Variants in RBM33 observed in about 807,000 individuals in gnomAD.
The protein encoded by RBM33 is RNA binding motif protein 33.
In RBM33, 28 loss-of-function variants were observed where a neutral mutation model predicts 132.6. The observed-to-expected ratio is 0.21, with a 90% CI of 0.16 to 0.29. The LOEUF (loss-of-function observed/expected upper bound fraction) is 0.29, where lower values mean the gene tolerates loss of function less well. Ranked by LOEUF, RBM33 falls within the 10% of genes least tolerant of loss-of-function variation. The pLI is 1.00. For synonymous variants in RBM33, 634 were observed against 593.0 expected (o/e 1.07, Z -1.01); for missense variants, 1,291 against 1,518.5 (o/e 0.85, Z 2.49).
At chr7:155,756,206 A>G (rs1028674911) in intron 14 of RBM33, among the ~76,000 whole-genome samples, 2 of 152,230 alleles carry the variant, frequency 1.3e-5, no homozygotes, top group African/African-American at 4.8e-5. Context: ...CTAAAATTCA[A>G]TTTGAATCAA....
chr7:155,661,061 AT>A (rs1798625104), intron 1 of RBM33, among the ~76,000 whole-genome samples: 2 of 142,394 alleles, frequency 1.4e-5, no homozygotes, highest in South Asian at 4.4e-4. Flanking sequence ...CAGAATTTCT[AT>A]TTGGTTTTTA....
intron 9 of RBM33, among the ~76,000 whole-genome samples, chr7:155,725,199 AGTT>A (rs1418097529): frequency 0.018 from 1,625 of 91,816 alleles, 34 homozygotes; most frequent in African/African-American, 0.072. Flanking sequence ...TTCCTTTTTT[AGTT>A]GTTTTTTTTT....
chr7:155,678,706 T>C, intron 4 of RBM33, 22 bp downstream of exon 4: 4 of 1,211,660 alleles, frequency 3.3e-6, no homozygotes, highest in Non-Finnish European at 3.5e-6. Context: ...TACCTCATTA[T>C]AAATGTTCTT....
At chr7:155,709,543 C>T (rs1435768442) in intron 7 of RBM33, among the ~76,000 whole-genome samples, 2 of 152,204 alleles carry the variant, frequency 1.3e-5, no homozygotes, top group Non-Finnish European at 2.9e-5. Flanking sequence ...CTGTACCTCT[C>T]CAGACACATG....
Position 155,775,155 on chromosome 7 carries a change from T to G in RBM33, c.*114T>G, listed in dbSNP as rs760914613. The stretch of plus-strand genomic sequence containing the variant: ...CACAGGTCTCTCCGGGCCGCTGTCC[T>G]GCGTAACTGTTCTCCAGAGCGCCAG... On this transcript the variant is annotated 3_prime_UTR_variant, in exon 18 of 18. Transcript: ENST00000401878. 1.1e-6 allele frequency: 1 copy of G among 926,792 alleles called. No individual in the cohort carries two copies. The highest frequency in any genetic ancestry group is 1.8e-6 in the Non-Finnish European group (1 of 564,740). 57.4% of individuals were successfully genotyped at this position (926,792 alleles called of 1,614,324 possible).
intron 5 of RBM33, among the ~76,000 whole-genome samples, chr7:155,684,243 A>G (rs1010506179): frequency 6.6e-6 from 1 of 152,094 alleles, no homozygotes; most frequent in African/African-American, 2.4e-5. Context: ...TTTACTGTTC[A>G]TTTTTTAGCA....
At chr7:155,771,219 C>T (rs1247715502) in intron 16 of RBM33, among the ~76,000 whole-genome samples, 3 of 152,078 alleles carry the variant, frequency 2.0e-5, no homozygotes, top group South Asian at 2.1e-4. Context: ...GGTGTGTAGA[C>T]GTGTATATTT....
chr7:155,651,734 A>C (rs750097912), intron 1 of RBM33, among the ~76,000 whole-genome samples: 2 of 152,286 alleles, frequency 1.3e-5, no homozygotes, highest in African/African-American at 4.8e-5. Context: ...GCAAGCCTTT[A>C]TAACTTCCAT....
chr7:155,673,943 T>TTGTTTGTTTG (rs1563138289), intron 3 of RBM33, among the ~76,000 whole-genome samples: 1 of 17,316 alleles, frequency 5.8e-5, no homozygotes, highest in South Asian at 2.8e-3. Flanking sequence ...AGGCTTAGTT[T>TTGTTTGTTTG]TTTTTTTTTT....
chr7:155,757,372 T>A (rs1801885358), intron 14 of RBM33, among the ~76,000 whole-genome samples: 1 of 152,098 alleles, frequency 6.6e-6, no homozygotes, highest in Non-Finnish European at 1.5e-5. Flanking sequence ...GAAAAAAAAA[T>A]TCATTTTTTT....
At chr7:155,720,055 C>T (rs1425423791) in intron 9 of RBM33, among the ~76,000 whole-genome samples, 3 of 152,076 alleles carry the variant, frequency 2.0e-5, no homozygotes, top group Admixed American at 6.5e-5. Flanking sequence ...ATTGAACTTG[C>T]GTTTCAGTTA....
intron 9 of RBM33, among the ~76,000 whole-genome samples, chr7:155,737,246 G>A (rs28683681): frequency 2.2e-4 from 17 of 76,268 alleles, no homozygotes; most frequent in African/African-American, 7.6e-4. Flanking sequence ...CTAGGTGCGC[G>A]TGTGTGTGTG....
Position 155,777,789 on chromosome 7 carries a change from G to A in RBM33, c.*2748G>A, listed in dbSNP as rs1015247700. On this transcript the variant is annotated 3_prime_UTR_variant, in exon 18 of 18. Transcript: ENST00000401878. ...GTTCCACAGTTGTTGATGTGTTTGT[G>A]TGTATATTCGATTTTTATAAAGATG... 2.6e-5 allele frequency: 4 copies of A among 152,640 alleles called. No individual in the cohort carries two copies. The highest frequency in any genetic ancestry group is 9.6e-5 in the African/African-American group (4 of 41,452). 9.5% of individuals were successfully genotyped at this position (152,640 alleles called of 1,614,324 possible). A position where few individuals can be genotyped will look rare whatever the true frequency, so the allele number is the denominator to read the frequency against.
At position 155,774,725 on chromosome 7, in the gene RBM33, T is replaced by C. The variant is rs553428861; in HGVS notation, c.3464+78T>C. ...CCTTCCTGTGCCCTCCCATCCATCA[T>C]GGTAGCAAGCGTGTGTCCCCACCTG... On this transcript the variant is annotated intron_variant, in intron 17 of 17. Coordinates refer to ENST00000401878, the MANE Select transcript of RBM33 (RefSeq NM_053043.3). This position sits in a 1 kb window ranked among gnomAD's most constrained non-coding sequence, Gnocchi z 4.2. 2.1e-4 allele frequency: 247 copies of C among 1,184,550 alleles called. 1 individual carries two copies. Among genetic ancestry groups the C allele is most frequent in the Admixed American group, 1.3e-3 (75 of 59,306 alleles). 73.4% of individuals were successfully genotyped at this position (1,184,550 alleles called of 1,614,324 possible). A position where few individuals can be genotyped will look rare whatever the true frequency, so the allele number is the denominator to read the frequency against.
At chr7:155,752,451 A>G (rs754975702) in intron 14 of RBM33, among the ~76,000 whole-genome samples, 93 of 152,224 alleles carry the variant, frequency 6.1e-4, no homozygotes, top group African/African-American at 2.2e-3. Context: ...ATTGTAGTTG[A>G]TAGTTCTAAG....
intron 8 of RBM33, among the ~76,000 whole-genome samples, chr7:155,712,096 G>A (rs1029838706): frequency 2.0e-5 from 3 of 152,186 alleles, no homozygotes; most frequent in Non-Finnish European, 4.4e-5. Flanking sequence ...ACTAGAGACC[G>A]CTATTGGAAT....
chr7:155,658,816 G>A (rs968704832), intron 1 of RBM33, among the ~76,000 whole-genome samples: 68 of 152,312 alleles, frequency 4.5e-4, no homozygotes, highest in African/African-American at 1.6e-3. Context: ...AGAACTGTTG[G>A]AAGCAACCGT....
chr7:155,771,397 G>A (rs73169109), intron 16 of RBM33, among the ~76,000 whole-genome samples: 2,829 of 152,266 alleles, frequency 0.019, 44 homozygotes, highest in Non-Finnish European at 0.028. Context: ...TCTGAAAGAA[G>A]GTACAAAAAT....
chr7:155,686,952 G>A (rs529299461), intron 5 of RBM33, among the ~76,000 whole-genome samples: 1 of 152,294 alleles, frequency 6.6e-6, no homozygotes, highest in East Asian at 1.9e-4. Flanking sequence ...ATGTGCATGT[G>A]TCTTTATAGC....
Sources: allele counts gnomAD v4.1 joint callset (sites outside exome capture counted in the v4.1 genomes callset), GRCh38; gene constraint gnomAD v4.1.1; non-coding constraint Gnocchi (gnomAD v3.1); transcripts MANE v1.5; gene names NCBI Gene and HGNC (gene_info 2026-07-23, HGNC 2026-07-21).